Variants in POP4 observed in about 807,000 individuals in gnomAD.
POP4 encodes POP4 ribonuclease P/MRP subunit.
POP4 carries 31 observed loss-of-function variants against 29.9 expected under a neutral mutation model. The observed-to-expected ratio is 1.04, with a 90% CI of 0.78 to 1.40. POP4 has a LOEUF of 1.40. Ranked by LOEUF, POP4 falls within the 40% of genes most tolerant of loss-of-function variation. The probability of loss-of-function intolerance (pLI) is 0.00; values close to 1 mark genes in which losing one functional copy is unlikely to be tolerated. For synonymous variants in POP4, 110 were observed against 108.2 expected (o/e 1.02, Z -0.10); for missense variants, 286 against 282.7 (o/e 1.01, Z -0.08).
At position 29,616,486 on chromosome 19, in the gene POP4, G is replaced by A. The variant is rs1053622921; in HGVS notation, c.*1106G>A. 6.6e-6 allele frequency: 1 copy of A among 152,272 alleles called. No individual in the cohort carries two copies. Among genetic ancestry groups the A allele is most frequent in the Admixed American group, 6.5e-5 (1 of 15,280 alleles). The allele number at this position is 152,272 out of a possible 1,614,324, so 9.4% of individuals were successfully genotyped here. On this transcript the variant is annotated 3_prime_UTR_variant, in exon 7 of 7. Coordinates refer to ENST00000585603, the MANE Select transcript of POP4 (RefSeq NM_006627.3). ...AGGCCACAAATCTGTTCTCCCCCAG[G>A]AGAAGTAGCAGTGCCAGGGCTTTGC...
chr19:29,611,740 A>G (rs1599486684), intron 3 of POP4, 122 bp from the exon 4 acceptor site: 1 of 792,086 alleles, frequency 1.3e-6, no homozygotes, highest in East Asian at 2.4e-5. Flanking sequence ...TCGGATTTGC[A>G]CATAGTTCCT....
chr19:29,614,067 C>T, intron 6 of POP4, 95 bp downstream of exon 6: 1 of 1,508,092 alleles, frequency 6.6e-7, no homozygotes, highest in South Asian at 1.4e-5. Context: ...TGATTTGACC[C>T]CTCAAGTCAG....
In POP4 at chr19:29,615,469, C is replaced by G; in HGVS notation, c.*89C>G. 1 of 1,455,468 alleles carries G rather than the reference C, an allele frequency of 6.9e-7. No homozygotes were observed. Among genetic ancestry groups the G allele is most frequent in the Non-Finnish European group, 9.4e-7 (1 of 1,068,760 alleles). The allele number at this position is 1,455,468 out of a possible 1,614,324, so 90.2% of individuals were successfully genotyped here. A position where few individuals can be genotyped will look rare whatever the true frequency, so the allele number is the denominator to read the frequency against. On this transcript the variant is annotated 3_prime_UTR_variant, in exon 7 of 7. Coordinates refer to ENST00000585603, the MANE Select transcript of POP4 (RefSeq NM_006627.3). ...CCTTTCAGTGAAGAGATAGTTAAGC[C>G]AATTCCATTTATAGACCACCTCCAG...
At chr19:29,606,405 G>T in intron 1 of POP4, 80 bp downstream of exon 1, 2 of 1,476,312 alleles carry the variant, frequency 1.4e-6, no homozygotes, top group Non-Finnish European at 1.8e-6. Flanking sequence ...AATGGGTCCG[G>T]GCTACCTGTT....
intron 1 of POP4, among the ~76,000 whole-genome samples, chr19:29,608,151 G>A (rs1481838219): frequency 6.6e-6 from 1 of 152,080 alleles, no homozygotes; most frequent in Non-Finnish European, 1.5e-5. Context: ...GGGATAAGAG[G>A]CATCCAAGAA....
chr19:29,611,421 C>A, intron 3 of POP4: 1 of 192,068 alleles, frequency 5.2e-6, no homozygotes, highest in Non-Finnish European at 1.1e-5. Flanking sequence ...TGTTGGGGTC[C>A]TTGCCCCTGC....
intron 1 of POP4, among the ~76,000 whole-genome samples, chr19:29,607,166 G>A (rs2034212126): frequency 6.6e-6 from 1 of 152,052 alleles, no homozygotes; most frequent in South Asian, 2.1e-4. Context: ...GGGTGTGGTG[G>A]GACACGCCTG....
At chr19:29,612,590 A>G (rs555659908) in intron 5 of POP4, among the ~76,000 whole-genome samples, 2 of 152,270 alleles carry the variant, frequency 1.3e-5, no homozygotes, top group African/African-American at 4.8e-5. Context: ...CTCCAGGCTC[A>G]GGCATCCAGC....
At chr19:29,606,396 A>G in intron 1 of POP4, 71 bp downstream of exon 1, 2 of 1,519,084 alleles carry the variant, frequency 1.3e-6, no homozygotes, top group Non-Finnish European at 1.8e-6. Flanking sequence ...GGTGGGTGAA[A>G]TGGGTCCGGG....
intron 3 of POP4, 32 bp from the exon 4 acceptor site, chr19:29,611,830 T>C: frequency 1.3e-6 from 2 of 1,588,102 alleles, no homozygotes; most frequent in Non-Finnish European, 1.7e-6. Flanking sequence ...TCATGTTGTC[T>C]AACTTTTTCC....
chr19:29,609,769 G>A (rs1400474601), intron 2 of POP4, among the ~76,000 whole-genome samples: 1 of 152,168 alleles, frequency 6.6e-6, no homozygotes, highest in African/African-American at 2.4e-5. Flanking sequence ...CAGAGAGAGC[G>A]AGCCTGGGGC....
intron 5 of POP4, among the ~76,000 whole-genome samples, chr19:29,613,558 C>T (rs972865541): frequency 3.3e-5 from 5 of 152,214 alleles, no homozygotes; most frequent in Non-Finnish European, 7.3e-5. Flanking sequence ...GCAGCCAGCC[C>T]GTGGGCCCTG....
At position 29,611,895 on chromosome 19, in the gene POP4, G is replaced by T; in HGVS notation, c.318G>T (p.Trp106Cys). ...YSLFLPLHEL[W>C]KQYIRDLCSG... Reference sequence around the variant, plus strand: ...TTTTCCTCCCTCTCCATGAACTCTGGAAACAGTACATCAGGGACCTGTGCA... The same window carrying T: ...TTTTCCTCCCTCTCCATGAACTCTGTAAACAGTACATCAGGGACCTGTGCA... The change falls in exon 4 of 7, where the codon TGG becomes TGT. Residue 106 changes from tryptophan (W) to cysteine (C), a missense_variant. Coordinates refer to ENST00000585603, the MANE Select transcript of POP4 (RefSeq NM_006627.3). 6.2e-7 allele frequency: 1 copy of T among 1,614,152 alleles called. No individual in the cohort carries two copies. Among genetic ancestry groups the T allele is most frequent in the Non-Finnish European group, 8.5e-7 (1 of 1,180,032 alleles).
At chr19:29,610,803 G>T in intron 3 of POP4, 171 bp downstream of exon 3, 1 of 662,874 alleles carries the variant, frequency 1.5e-6, no homozygotes. Flanking sequence ...TGTTCAGCGA[G>T]GCGGGTGAGA....
intron 1 of POP4, 35 bp from the exon 2 acceptor site, chr19:29,608,622 C>G (rs1273306952): frequency 6.2e-7 from 1 of 1,600,312 alleles, no homozygotes; most frequent in African/African-American, 1.3e-5. Flanking sequence ...CCATACCCAA[C>G]AAGAATTGAT....
intron 1 of POP4, chr19:29,606,546 TCCCGGAGGCTGC>T: frequency 2.0e-6 from 1 of 500,458 alleles, no homozygotes; most frequent in East Asian, 3.4e-5. Flanking sequence ...AGGCAGGTTC[TCCCGGAGGCTGC>T]TCAGTGGTGT....
At position 29,606,336 on chromosome 19, in the gene POP4, C is replaced by T. The variant is rs747095519; in HGVS notation, c.7+11C>T. ...GTCCGAGAATGAAGAGTAAGCGGGGCCGCGAAGTTGGAGAGGGTTGGGGAC... is the reference window on the plus strand; with the variant it reads ...GTCCGAGAATGAAGAGTAAGCGGGGTCGCGAAGTTGGAGAGGGTTGGGGAC... On this transcript the variant is annotated intron_variant, in intron 1 of 6. Coordinates refer to ENST00000585603, the MANE Select transcript of POP4 (RefSeq NM_006627.3). 4.4e-6 allele frequency: 7 copies of T among 1,605,196 alleles called. No individual in the cohort carries two copies. The Admixed American group carries it at 6.8e-5, about 16-fold the overall frequency.
intron 5 of POP4, among the ~76,000 whole-genome samples, chr19:29,612,740 T>C (rs925241642): frequency 2.0e-5 from 3 of 152,190 alleles, no homozygotes; most frequent in Non-Finnish European, 2.9e-5. Flanking sequence ...ACACTGGTTG[T>C]TCAGACCAAA....
At chr19:29,614,249 GC>G (rs1452476092) in intron 6 of POP4, among the ~76,000 whole-genome samples, 1 of 152,198 alleles carries the variant, frequency 6.6e-6, no homozygotes, top group Non-Finnish European at 1.5e-5. Context: ...GTCTGTTTAG[GC>G]CCCAGGAGAG....
Sources: allele counts gnomAD v4.1 joint callset (sites outside exome capture counted in the v4.1 genomes callset), GRCh38; gene constraint gnomAD v4.1.1; transcripts MANE v1.5; gene names NCBI Gene and HGNC (gene_info 2026-07-23, HGNC 2026-07-21).